Variants in METTL16 observed in about 807,000 individuals in gnomAD.
METTL16 encodes RNA N(6)-adenosine-methyltransferase METTL16.
A neutral mutation model predicts 57.9 loss-of-function variants in METTL16; 19 were observed. The ratio of observed to expected loss-of-function variants is 0.33; its 90% CI spans 0.23 to 0.48. The LOEUF is 0.48. METTL16 is among the 20% of genes least tolerant of loss of function. The probability of loss-of-function intolerance (pLI) is 0.99; values close to 1 mark genes in which losing one functional copy is unlikely to be tolerated. For missense variants in METTL16, 434 were observed against 691.5 expected (o/e 0.63, Z 4.18); for synonymous variants, 246 against 255.6 (o/e 0.96, Z 0.36).
chr17:2,461,212 C>A (rs1333726152), intron 6 of METTL16, among the ~76,000 whole-genome samples: 1 of 152,046 alleles, frequency 6.6e-6, no homozygotes, highest in African/African-American at 2.4e-5. Context: ...AAAAACTTAG[C>A]CAGGCGTGGT....
chr17:2,493,955 A>G (rs1597470048), intron 2 of METTL16, among the ~76,000 whole-genome samples: 1 of 152,076 alleles, frequency 6.6e-6, no homozygotes, highest in African/African-American at 2.4e-5. Flanking sequence ...TCTCCTCAAG[A>G]CTGCCGTATC....
chr17:2,502,191 A>G lies in METTL16; in HGVS notation c.128+13T>C. 6.2e-7 allele frequency: 1 copy of G among 1,611,350 alleles called. No homozygotes were observed. On this transcript the variant is annotated intron_variant, in intron 2 of 9. Coordinates refer to ENST00000263092, the MANE Select transcript of METTL16 (RefSeq NM_024086.4). Reference sequence around the variant, plus strand: ...CACACAAGAATAACAGTGATTTTTCATCCGTTACCTACCTCACTCTTCCAT... The same window carrying G: ...CACACAAGAATAACAGTGATTTTTCGTCCGTTACCTACCTCACTCTTCCAT...
chr17:2,463,610 CACCA>C, intron 6 of METTL16, among the ~76,000 whole-genome samples: 1 of 151,790 alleles, frequency 6.6e-6, no homozygotes, highest in Non-Finnish European at 1.5e-5. Context: ...TACAGGCACC[CACCA>C]CCACACCCAG....
chr17:2,504,695 A>G (rs1356504599), intron 1 of METTL16, among the ~76,000 whole-genome samples: 3 of 152,114 alleles, frequency 2.0e-5, no homozygotes, highest in South Asian at 2.1e-4. Flanking sequence ...AGCTGGGACT[A>G]TAGGTATGTG....
At chr17:2,480,366 A>G (rs2067297152) in intron 2 of METTL16, among the ~76,000 whole-genome samples, 1 of 152,164 alleles carries the variant, frequency 6.6e-6, no homozygotes, top group Non-Finnish European at 1.5e-5. Context: ...GCTTCCAGAC[A>G]CTAACTTATA....
chr17:2,423,531 C>T (rs1048418457), intron 8 of METTL16, among the ~76,000 whole-genome samples: 4 of 152,096 alleles, frequency 2.6e-5, no homozygotes, highest in Admixed American at 6.6e-5. Flanking sequence ...GGGGAAGAAG[C>T]GTATTAAGCC....
chr17:2,489,998 A>T (rs931651472), intron 2 of METTL16, among the ~76,000 whole-genome samples: 3 of 152,198 alleles, frequency 2.0e-5, no homozygotes, highest in Admixed American at 6.5e-5. Context: ...ATATACTTGT[A>T]TGAAGAGCGT....
chr17:2,441,501 G>T lies in METTL16; in HGVS notation c.787C>A (p.Arg263Ser). ...CSLAPLKEEL[R>S]IQGVPKVTYT... ...TGAGGAAGCCTCACCCCTTGTATGC[G>T]AAGCTCCTCCTTCAGAGGCGCCAGG... is the stretch of plus-strand genomic sequence containing the variant. Residue 263 changes from arginine to serine, a missense_variant, in exon 7 of 10, where the codon CGC becomes AGC. By Grantham distance (110) the Arg-to-Ser change is moderately radical. This residue lies in a region of METTL16 where 96 missense variants were observed against 138.3 expected (regional missense o/e 0.69). Coordinates refer to ENST00000263092, the MANE Select transcript of METTL16 (RefSeq NM_024086.4). 6.3e-7 allele frequency: 1 copy of T among 1,595,550 alleles called. No homozygotes were observed. Among genetic ancestry groups the T allele is most frequent in the Admixed American group, 1.7e-5 (1 of 57,802 alleles).
intron 6 of METTL16, among the ~76,000 whole-genome samples, chr17:2,462,258 T>C (rs755442442): frequency 8.5e-5 from 13 of 152,196 alleles, no homozygotes; most frequent in Non-Finnish European, 1.5e-4. Flanking sequence ...TCCATTTGTA[T>C]GAAGTGCCTA....
intron 2 of METTL16, among the ~76,000 whole-genome samples, chr17:2,490,118 G>A (rs2067375523): frequency 6.6e-6 from 1 of 152,112 alleles, no homozygotes; most frequent in African/African-American, 2.4e-5. Context: ...CAGATGCAGA[G>A]GAAAAGTCTG....
chr17:2,499,070 T>C (rs972415903), intron 2 of METTL16, among the ~76,000 whole-genome samples: 23 of 151,524 alleles, frequency 1.5e-4, no homozygotes, highest in African/African-American at 5.6e-4. Context: ...AATCCCAAAG[T>C]CAGGGTACGG....
Position 2,416,074 on chromosome 17 carries a change from T to C in METTL16, c.*3896A>G, listed in dbSNP as rs549645874. The C allele has an allele frequency of 1.3e-5, 2 of 152,256 alleles. No homozygotes were observed. The highest frequency in any genetic ancestry group is 2.9e-5 in the Non-Finnish European group (2 of 68,058). The allele number at this position is 152,256 out of a possible 1,614,324, so 9.4% of individuals were successfully genotyped here. On this transcript the variant is annotated 3_prime_UTR_variant, in exon 10 of 10. Transcript: ENST00000263092. ...TTTTTTTCTCTTTCTACTTTTATTT[T>C]TCAAATTTTATTTCTGTGAAAATGT...
At chr17:2,487,215 G>A (rs893458824) in intron 2 of METTL16, among the ~76,000 whole-genome samples, 2 of 152,146 alleles carry the variant, frequency 1.3e-5, no homozygotes, top group African/African-American at 4.8e-5. Flanking sequence ...CCTAACTGAA[G>A]TTAGTAACTC....
chr17:2,502,166 CACACA>C (rs1450059416), intron 2 of METTL16, 33 bp downstream of exon 2: 1 of 1,600,590 alleles, frequency 6.2e-7, no homozygotes, highest in Non-Finnish European at 8.5e-7. Context: ...CCATTTGAAT[CACACA>C]AGAATAACAG....
intron 1 of METTL16, among the ~76,000 whole-genome samples, chr17:2,508,815 C>A (rs1260248512): frequency 6.6e-6 from 1 of 152,170 alleles, no homozygotes; most frequent in Admixed American, 6.6e-5. Flanking sequence ...ATTAAAAAGG[C>A]AGGCATAATC....
chr17:2,426,486 T>C (rs2066819334), intron 8 of METTL16, among the ~76,000 whole-genome samples: 1 of 151,898 alleles, frequency 6.6e-6, no homozygotes, highest in Non-Finnish European at 1.5e-5. Flanking sequence ...ATCCCAGCAC[T>C]TTGGGAGGCT....
intron 2 of METTL16, among the ~76,000 whole-genome samples, chr17:2,497,156 C>T (rs768263526): frequency 1.3e-5 from 2 of 151,136 alleles, no homozygotes; most frequent in Non-Finnish European, 2.9e-5. Flanking sequence ...CAAGTGCGCA[C>T]CATCACGCCT....
chr17:2,430,454 C>T (rs1266344805), intron 8 of METTL16, among the ~76,000 whole-genome samples: 9 of 126,398 alleles, frequency 7.1e-5, no homozygotes, highest in African/African-American at 2.7e-4. Flanking sequence ...CTCGCTCTGT[C>T]GCCCAGGCTG....
chr17:2,491,679 T>A (rs187103745), intron 2 of METTL16, among the ~76,000 whole-genome samples: 1 of 150,962 alleles, frequency 6.6e-6, no homozygotes, highest in Non-Finnish European at 1.5e-5. Flanking sequence ...ATGGAGACCA[T>A]CCTGGCTAAC....
Sources: gnomAD v4.1 joint callset for allele counts (sites outside exome capture counted in the v4.1 genomes callset) on GRCh38, gnomAD v4.1.1 for gene constraint, gnomAD v4.1.1 regional missense constraint, MANE v1.5 for transcripts, NCBI Gene and HGNC (gene_info 2026-07-23, HGNC 2026-07-21) for gene names.